Variants in PDE10A observed in about 807,000 individuals in gnomAD.
PDE10A encodes phosphodiesterase 10A.
A neutral mutation model predicts 97.7 loss-of-function variants in PDE10A; 39 were observed. The observed-to-expected ratio is 0.40, with a 90% CI of 0.31 to 0.52. The LOEUF is 0.52. PDE10A is among the 20% of genes least tolerant of loss of function. PDE10A has a pLI of 0.56. For synonymous variants in PDE10A, 371 were observed against 376.8 expected, an observed-to-expected ratio of 0.98 and a Z score of 0.18; for missense variants, 731 against 1,047.8, an observed-to-expected ratio of 0.70 and a Z score of 4.17.
In PDE10A at chr6:165,379,204, G is replaced by T; in HGVS notation, c.2773C>A (p.Gln925Lys). The T allele has an allele frequency of 6.2e-7, 1 of 1,601,932 alleles. No individual in the cohort carries two copies. The highest frequency in any genetic ancestry group is 8.5e-7 in the Non-Finnish European group (1 of 1,175,124). Residue 925 changes from glutamine to lysine, a missense_variant, in exon 18 of 22, where the codon CAA becomes AAA. Physicochemically the swap from Gln to Lys is moderately conservative, Grantham distance 53. Around this residue, in one of 8 missense-constraint regions of PDE10A, gnomAD observed 96 missense variants for 156.7 expected, o/e 0.61. Coordinates refer to ENST00000539869, the MANE Select transcript of PDE10A (RefSeq NM_001385079.1). ...AAAAATTATTTTTACCTATGTGATT[G>T]ATTATTAAGGTTTAGTGATCCGGTC... The part of the protein sequence containing the change: ...YQTGSLNLNN[Q>K]SHRDRVIGLM...
intron 3 of PDE10A, among the ~76,000 whole-genome samples, chr6:165,458,665 G>A (rs573603434): frequency 4.0e-5 from 6 of 151,062 alleles, no homozygotes; most frequent in Admixed American, 1.3e-4. Flanking sequence ...ATGGACAGGC[G>A]CACGCACACA....
intron 2 of PDE10A, among the ~76,000 whole-genome samples, chr6:165,507,315 T>C (rs772761338): frequency 6.6e-6 from 1 of 152,060 alleles, no homozygotes; most frequent in Non-Finnish European, 1.5e-5. Context: ...GACTATACAG[T>C]AGCCCAGTAC....
chr6:165,945,889 G>A (rs917683287), intron 1 of PDE10A, among the ~76,000 whole-genome samples: 5 of 152,186 alleles, frequency 3.3e-5, no homozygotes, highest in Non-Finnish European at 7.3e-5. Flanking sequence ...ACCAAGTGGG[G>A]AAATGTGTGT....
chr6:165,501,388 C>T (rs1780873026), intron 2 of PDE10A, among the ~76,000 whole-genome samples: 2 of 151,988 alleles, frequency 1.3e-5, no homozygotes, highest in Admixed American at 1.3e-4. Context: ...GGTGAAACCC[C>T]GTCTCTACTA....
chr6:165,518,516 G>C (rs950073562), intron 2 of PDE10A, among the ~76,000 whole-genome samples: 1 of 152,058 alleles, frequency 6.6e-6, no homozygotes, highest in Non-Finnish European at 1.5e-5. Flanking sequence ...TCTGGCTTAC[G>C]GGATCAACCG....
intron 1 of PDE10A, among the ~76,000 whole-genome samples, chr6:165,938,026 C>T (rs1385689867): frequency 6.6e-6 from 1 of 152,218 alleles, no homozygotes; most frequent in Non-Finnish European, 1.5e-5. Flanking sequence ...TCTCCCACTT[C>T]CTTTCCTCTA....
intron 1 of PDE10A, among the ~76,000 whole-genome samples, chr6:165,619,657 GTA>G (rs1372795834): frequency 6.7e-6 from 1 of 149,834 alleles, no homozygotes; most frequent in Non-Finnish European, 1.5e-5. Context: ...GTCTAGTGTA[GTA>G]TAGTCTAGTG....
intron 1 of PDE10A, among the ~76,000 whole-genome samples, chr6:165,702,232 G>A (rs2128443961): frequency 6.6e-6 from 1 of 152,352 alleles, no homozygotes; most frequent in African/African-American, 2.4e-5. Flanking sequence ...GAAAACCACA[G>A]AAAGCAGAGA....
At chr6:165,897,860 G>T (rs1396866880) in intron 1 of PDE10A, among the ~76,000 whole-genome samples, 1 of 152,014 alleles carries the variant, frequency 6.6e-6, no homozygotes, top group Non-Finnish European at 1.5e-5. Flanking sequence ...GAAACGCTGT[G>T]CTCTCCTCCA....
intron 1 of PDE10A, among the ~76,000 whole-genome samples, chr6:165,866,861 A>G (rs973832537): frequency 2.0e-5 from 3 of 151,960 alleles, no homozygotes; most frequent in Non-Finnish European, 4.4e-5. Flanking sequence ...TCAAAAATAA[A>G]AAAGAAGTAA....
chr6:165,585,782 C>T (rs1457511523), intron 1 of PDE10A, among the ~76,000 whole-genome samples: 1 of 152,138 alleles, frequency 6.6e-6, no homozygotes, highest in Non-Finnish European at 1.5e-5. Flanking sequence ...AATATAGGTG[C>T]TTAACAATAA....
At chr6:165,344,007 T>C (rs1782141815) in intron 18 of PDE10A, among the ~76,000 whole-genome samples, 1 of 152,206 alleles carries the variant, frequency 6.6e-6, no homozygotes, top group Admixed American at 6.5e-5. Flanking sequence ...TGCAACCTGG[T>C]TCCTCACTCT....
intron 1 of PDE10A, among the ~76,000 whole-genome samples, chr6:165,725,863 C>A (rs1217555726): frequency 6.6e-6 from 1 of 152,126 alleles, no homozygotes; most frequent in Non-Finnish European, 1.5e-5. Flanking sequence ...CCATCCTCAG[C>A]AAACTTTCAA....
At chr6:165,869,445 G>C (rs995717989) in intron 1 of PDE10A, among the ~76,000 whole-genome samples, 1 of 151,970 alleles carries the variant, frequency 6.6e-6, no homozygotes, top group African/African-American at 2.4e-5. Context: ...AGAAATCAAA[G>C]AGGACACAAA....
rs1468065562 is a variant in PDE10A, at chr6:165,662,659, G to A, written c.153C>T (p.Pro51=). 7.0e-6 allele frequency: 1 copy of A among 142,442 alleles called. No individual in the cohort carries two copies. The highest frequency in any genetic ancestry group is 1.6e-5 in the Non-Finnish European group (1 of 64,192). The allele number at this position is 142,442 out of a possible 1,614,324, so 8.8% of individuals were successfully genotyped here. A position where few individuals can be genotyped will look rare whatever the true frequency, so the allele number is the denominator to read the frequency against. ...CCGCCCGGCCACGGCCAGGCCACTC[G>A]GGGGCCGGGCCCGGGCCCGCCGCGC... ...GGSAAGPGPA[P]EWPGRGRAER... The change falls in exon 1 of 22, where the codon CCC becomes CCT. Residue 51 remains proline (P), a synonymous_variant. Coordinates refer to ENST00000539869, the MANE Select transcript of PDE10A (RefSeq NM_001385079.1).
chr6:165,596,365 C>T (rs963812836), intron 1 of PDE10A, among the ~76,000 whole-genome samples: 1 of 152,168 alleles, frequency 6.6e-6, no homozygotes, highest in Admixed American at 6.5e-5. Context: ...CCTTTTTCTC[C>T]TACAGTCGGT....
intron 1 of PDE10A, among the ~76,000 whole-genome samples, chr6:165,677,152 T>G (rs1790822076): frequency 6.6e-6 from 1 of 152,190 alleles, no homozygotes. Flanking sequence ...GTTAGATCCG[T>G]CAACTTTCAG....
chr6:165,579,961 T>C lies in PDE10A; in HGVS notation c.866-36393A>G, dbSNP rs558519383. The stretch of plus-strand genomic sequence containing the variant: ...TTTAATATTGTTGTCTCCCAGCCCC[T>C]ACTAGCCCAACTCCTGACCCTCCTC... On this transcript the variant is annotated intron_variant, in intron 1 of 21. Transcript: ENST00000539869. Among the ~76,000 whole-genome samples the C allele has an allele frequency of 2.6e-5, 4 of 152,318 alleles. No homozygotes were observed. The South Asian group carries it at 6.2e-4, about 24-fold the overall frequency.
At chr6:165,579,519 T>C (rs531364167) in intron 1 of PDE10A, among the ~76,000 whole-genome samples, 28 of 152,286 alleles carry the variant, frequency 1.8e-4, no homozygotes, top group African/African-American at 2.9e-4. Context: ...GTTGCAAACT[T>C]CAAAATTCAT....
Sources: gnomAD v4.1 joint callset for allele counts (sites outside exome capture counted in the v4.1 genomes callset) on GRCh38, gnomAD v4.1.1 for gene constraint, gnomAD v4.1.1 regional missense constraint, MANE v1.5 for transcripts, NCBI Gene and HGNC (gene_info 2026-07-23, HGNC 2026-07-21) for gene names.